MAL: variants seen among roughly 807,000 people sequenced by gnomAD.
MAL encodes myelin and lymphocyte protein.
Under a neutral mutation model 16.7 loss-of-function variants are expected in MAL, and 5 were observed. The observed-to-expected ratio is 0.30, with a 90% CI of 0.16 to 0.63. The LOEUF (loss-of-function observed/expected upper bound fraction) is 0.63, where lower values mean the gene tolerates loss of function less well. MAL is among the 30% of genes least tolerant of loss of function. The pLI, the probability that MAL is intolerant of heterozygous loss-of-function variation, is 0.82. For synonymous variants in MAL, 96 were observed against 85.5 expected (o/e 1.12, Z -0.67); for missense variants, 202 against 195.8 (o/e 1.03, Z -0.19).
At position 95,042,716 on chromosome 2, in the gene MAL, A is replaced by T. The variant is rs148758733; in HGVS notation, c.94-5243A>T. Among the ~76,000 whole-genome samples, 85 of 152,278 alleles carry T rather than the reference A, an allele frequency of 5.6e-4. 2 individuals carry two copies. The East Asian group carries it at 0.016, about 29-fold the overall frequency. On this transcript the variant is annotated intron_variant, in intron 1 of 3. Transcript: ENST00000309988. ...AGGGTGCCAATAATGTTTTCAAAAT[A>T]ATTGCCTCTTTGCACTGCCACCTGG...
In MAL at chr2:95,025,818, G is replaced by T. The variant is rs757977215; in HGVS notation, c.26G>T (p.Gly9Val). 1 of 1,570,570 alleles carries T rather than the reference G, an allele frequency of 6.4e-7. No homozygotes were observed. Residue 9 changes from glycine (G) to valine (V), a missense_variant, in exon 1 of 4, where the codon GGC becomes GTC. By Grantham distance (109) the Gly-to-Val change is moderately radical. Coordinates refer to ENST00000309988, the MANE Select transcript of MAL (RefSeq NM_002371.4). The surrounding 1 kb of genome is among the most constrained non-coding windows in gnomAD (Gnocchi z 5.6). MAPAAATGGSTLPSGFSVF... is the reference protein window; with the variant it reads MAPAAATGVSTLPSGFSVF... ...ATGGCCCCCGCAGCGGCGACGGGGG[G>T]CAGCACCCTGCCCAGTGGCTTCTCG...
chr2:95,032,326 T>C (rs569777551), intron 1 of MAL, among the ~76,000 whole-genome samples: 13 of 152,322 alleles, frequency 8.5e-5, no homozygotes, highest in African/African-American at 2.9e-4. Flanking sequence ...CCAGACACAT[T>C]CTCCAGAGAA....
intron 1 of MAL, among the ~76,000 whole-genome samples, chr2:95,028,819 T>C (rs548654138): frequency 1.1e-3 from 170 of 152,376 alleles, no homozygotes; most frequent in African/African-American, 4.0e-3. Flanking sequence ...ATATAGTGTA[T>C]GATTCCGTTT....
At chr2:95,037,895 G>A (rs1191020023) in intron 1 of MAL, among the ~76,000 whole-genome samples, 44 of 92,650 alleles carry the variant, frequency 4.7e-4, no homozygotes, top group Non-Finnish European at 1.3e-4. Context: ...TGACCGAGTG[G>A]GTGAGTGAGT....
intron 1 of MAL, among the ~76,000 whole-genome samples, chr2:95,029,530 A>C (rs754194381): frequency 6.6e-6 from 1 of 152,248 alleles, no homozygotes. Context: ...TAGCTATTGC[A>C]GACAGCATTG....
At chr2:95,037,468 CTGAGTGACTGAGTGACTGAG>C (rs1558658043) in intron 1 of MAL, among the ~76,000 whole-genome samples, 2 of 94,148 alleles carry the variant, frequency 2.1e-5, no homozygotes, top group East Asian at 3.2e-4. Flanking sequence ...GAGTGACTAA[CTGAGTGACTGAGTGACTGAG>C]TGAGTGACTG....
At chr2:95,033,258 G>A (rs2104333065) in intron 1 of MAL, among the ~76,000 whole-genome samples, 1 of 152,356 alleles carries the variant, frequency 6.6e-6, no homozygotes, top group Admixed American at 6.5e-5. Context: ...GGGTCTGCAT[G>A]GCAGCCCCTC....
Position 95,025,791 on chromosome 2 carries a change from T to TC in MAL, c.-1dup. Reference sequence around the variant, plus strand: ...TCCCAAGGCCGACGCCAGCACGCCGTCATGGCCCCCGCAGCGGCGACGGGG... The same window carrying TC: ...TCCCAAGGCCGACGCCAGCACGCCGTCCATGGCCCCCGCAGCGGCGACGGGG... On this transcript the variant is annotated 5_prime_UTR_variant, in exon 1 of 4. Coordinates refer to ENST00000309988, the MANE Select transcript of MAL (RefSeq NM_002371.4). This position sits in a 1 kb window ranked among gnomAD's most constrained non-coding sequence, Gnocchi z 5.6. 2 of 1,545,822 alleles carry TC rather than the reference T, an allele frequency of 1.3e-6. No individual in the cohort carries two copies. Among genetic ancestry groups the TC allele is most frequent in the Non-Finnish European group, 1.7e-6 (2 of 1,145,558 alleles).
At chr2:95,051,027 TA>T (rs1674703743) in intron 3 of MAL, among the ~76,000 whole-genome samples, 1 of 152,164 alleles carries the variant, frequency 6.6e-6, no homozygotes, top group Admixed American at 6.5e-5. Context: ...ATAATTTCCA[TA>T]AAATTGTTGT....
chr2:95,027,551 G>A (rs190433407), intron 1 of MAL, among the ~76,000 whole-genome samples: 18 of 152,270 alleles, frequency 1.2e-4, no homozygotes, highest in Non-Finnish European at 2.2e-4. Flanking sequence ...GGGTGGGCTC[G>A]CAGGTGCCTG....
intron 1 of MAL, among the ~76,000 whole-genome samples, chr2:95,043,713 C>G (rs1044258604): frequency 7.9e-5 from 12 of 152,204 alleles, no homozygotes; most frequent in African/African-American, 2.7e-4. Flanking sequence ...TGTGCCTTTC[C>G]CGTATCCTCC....
At chr2:95,041,023 G>T (rs1408470792) in intron 1 of MAL, among the ~76,000 whole-genome samples, 2 of 152,304 alleles carry the variant, frequency 1.3e-5, no homozygotes, top group East Asian at 3.9e-4. Flanking sequence ...TTCATGTCTT[G>T]ATGTGTCCTT....
chr2:95,039,116 GTGAC>G (rs1475346511), intron 1 of MAL, among the ~76,000 whole-genome samples: 1 of 150,696 alleles, frequency 6.6e-6, no homozygotes, highest in African/African-American at 2.5e-5. Context: ...AAGTGTCTGA[GTGAC>G]TGAGTGAGTG....
At chr2:95,046,564 C>A (rs1305868585) in intron 1 of MAL, among the ~76,000 whole-genome samples, 1 of 152,186 alleles carries the variant, frequency 6.6e-6, no homozygotes, top group Non-Finnish European at 1.5e-5. Flanking sequence ...CGGCGAGGAG[C>A]GGGGCTGGGC....
intron 1 of MAL, among the ~76,000 whole-genome samples, chr2:95,047,109 G>T (rs1228906567): frequency 6.6e-6 from 1 of 152,112 alleles, no homozygotes; most frequent in Non-Finnish European, 1.5e-5. Flanking sequence ...GCCAAATAAA[G>T]ACCAAAAAGA....
chr2:95,037,241 CTGAG>C (rs1162039938), intron 1 of MAL, among the ~76,000 whole-genome samples: 1 of 132,306 alleles, frequency 7.6e-6, no homozygotes, highest in Admixed American at 7.6e-5. Flanking sequence ...GAGTGAGTGA[CTGAG>C]TGAGTGAATG....
rs41310787 is a variant in MAL, at chr2:95,053,958, C to A, written c.*503C>A. 2,319 of 154,942 alleles carry A rather than the reference C, an allele frequency of 0.015. 43 individuals carry two copies. The highest frequency in any genetic ancestry group is 0.03 in the Middle Eastern group (9 of 304). The allele number at this position is 154,942 out of a possible 1,614,324, so 9.6% of individuals were successfully genotyped here. A position where few individuals can be genotyped will look rare whatever the true frequency, so the allele number is the denominator to read the frequency against. On this transcript the variant is annotated 3_prime_UTR_variant, in exon 4 of 4. Coordinates refer to ENST00000309988, the MANE Select transcript of MAL (RefSeq NM_002371.4). Reference sequence around the variant, plus strand: ...AGGTCCATGGTGGAAGACGATAACCCTGTGAAATACTTTATAAAATGTCTT... The same window carrying A: ...AGGTCCATGGTGGAAGACGATAACCATGTGAAATACTTTATAAAATGTCTT...
At chr2:95,040,550 C>G (rs1674436727) in intron 1 of MAL, among the ~76,000 whole-genome samples, 1 of 152,192 alleles carries the variant, frequency 6.6e-6, no homozygotes, top group African/African-American at 2.4e-5. Context: ...TTTTTCTGGT[C>G]AGATGACCTA....
At chr2:95,041,935 G>A (rs1047214483) in intron 1 of MAL, among the ~76,000 whole-genome samples, 7 of 151,958 alleles carry the variant, frequency 4.6e-5, no homozygotes, top group Non-Finnish European at 8.8e-5. Context: ...CTAACCCCCC[G>A]ACAACTGGAC....
Sources: allele counts gnomAD v4.1 joint callset (sites outside exome capture counted in the v4.1 genomes callset), GRCh38; gene constraint gnomAD v4.1.1; non-coding constraint Gnocchi (gnomAD v3.1); transcripts MANE v1.5; gene names NCBI Gene and HGNC (gene_info 2026-07-23, HGNC 2026-07-21).